The following PTPRT variants were observed in gnomAD, a reference collection of about 807,000 sequenced individuals.
PTPRT encodes receptor-type tyrosine-protein phosphatase T.
A neutral mutation model predicts 176.8 loss-of-function variants in PTPRT; 56 were observed. That is an observed-to-expected ratio of 0.32 (90% CI 0.26 to 0.40). PTPRT has a LOEUF of 0.40. Among genes scored for constraint, PTPRT ranks in the 10% least tolerant of loss-of-function variants. PTPRT has a pLI of 1.00. For missense variants in PTPRT, 1,540 were observed against 1,908.2 expected (o/e 0.81, Z 3.60); for synonymous variants, 783 against 739.0 (o/e 1.06, Z -0.96).
At chr20:42,630,276 C>T (rs1452835267) in intron 7 of PTPRT, among the ~76,000 whole-genome samples, 4 of 152,292 alleles carry the variant, frequency 2.6e-5, no homozygotes, top group Admixed American at 2.0e-4. Context: ...AGAACCAACA[C>T]ATCCAGGCAA....
chr20:42,752,276 C>T (rs911887265), intron 6 of PTPRT, among the ~76,000 whole-genome samples: 1 of 152,214 alleles, frequency 6.6e-6, no homozygotes, highest in African/African-American at 2.4e-5. Context: ...CCTTAGAGTG[C>T]CTATGCAGGG....
chr20:42,895,133 G>A (rs2079271601), intron 1 of PTPRT, among the ~76,000 whole-genome samples: 1 of 152,200 alleles, frequency 6.6e-6, no homozygotes, highest in African/African-American at 2.4e-5. Context: ...GGTTGTATTA[G>A]CCTGCTAGGG....
intron 9 of PTPRT, among the ~76,000 whole-genome samples, chr20:42,387,705 T>C (rs1326507245): frequency 1.3e-5 from 2 of 152,132 alleles, no homozygotes; most frequent in Non-Finnish European, 2.9e-5. Context: ...CTTATTTGAA[T>C]ATACCTACAG....
chr20:42,954,819 T>A (rs1981516782), intron 1 of PTPRT, among the ~76,000 whole-genome samples: 1 of 151,734 alleles, frequency 6.6e-6, no homozygotes, highest in South Asian at 2.1e-4. Context: ...GTCACCTTTG[T>A]CCAAGGAGAC....
intron 7 of PTPRT, among the ~76,000 whole-genome samples, chr20:42,514,173 A>C (rs1055659255): frequency 6.6e-6 from 1 of 152,168 alleles, no homozygotes; most frequent in Non-Finnish European, 1.5e-5. Flanking sequence ...AATATACGAT[A>C]TATTCATCTT....
chr20:42,273,319 G>A (rs144929564), intron 13 of PTPRT, among the ~76,000 whole-genome samples: 1,845 of 152,208 alleles, frequency 0.012, 34 homozygotes, highest in African/African-American at 0.042. Context: ...GGGTTCAAGC[G>A]ATTCTCCTGC....
chr20:42,580,336 G>C (rs370532110), intron 7 of PTPRT, among the ~76,000 whole-genome samples: 1 of 151,964 alleles, frequency 6.6e-6, no homozygotes, highest in Non-Finnish European at 1.5e-5. Context: ...GTCAGGTAGC[G>C]TGATGCCTCC....
intron 13 of PTPRT, among the ~76,000 whole-genome samples, chr20:42,269,020 T>A (rs1308996132): frequency 1.3e-5 from 2 of 152,160 alleles, no homozygotes; most frequent in Non-Finnish European, 2.9e-5. Flanking sequence ...AACACCATGG[T>A]ACAAATATTG....
chr20:42,231,352 C>A (rs892417022), intron 15 of PTPRT, among the ~76,000 whole-genome samples: 1 of 152,154 alleles, frequency 6.6e-6, no homozygotes, highest in African/African-American at 2.4e-5. Context: ...TCAAACTTAA[C>A]CCTGCTGCAT....
chr20:42,270,486 T>A, intron 13 of PTPRT: 1 of 1,547,014 alleles, frequency 6.5e-7, no homozygotes, highest in Non-Finnish European at 8.7e-7. Flanking sequence ...CCAGGCAGCA[T>A]GCAGAAGAGA....
intron 1 of PTPRT, among the ~76,000 whole-genome samples, chr20:42,911,796 T>C (rs1265701032): frequency 6.6e-6 from 1 of 152,116 alleles, no homozygotes; most frequent in Non-Finnish European, 1.5e-5. Flanking sequence ...ACAACAGATA[T>C]GCACATATAT....
Position 43,095,103 on chromosome 20 carries a change from T to C in PTPRT, c.88+94543A>G, listed in dbSNP as rs573304673. ...TTTGGATATTGAGTGTCATGCCCAT[T>C]TGGGAGCCTTGGAGAGAGCTTTTAT... On this transcript the variant is annotated intron_variant, in intron 1 of 30. Transcript: ENST00000373187. 1.1e-4 allele frequency among the ~76,000 whole-genome samples: 17 copies of C among 152,164 alleles called. No homozygotes were observed. The South Asian group carries it at 3.1e-3, about 28-fold the overall frequency.
At chr20:42,993,792 C>T (rs1179005476) in intron 1 of PTPRT, among the ~76,000 whole-genome samples, 1 of 151,974 alleles carries the variant, frequency 6.6e-6, no homozygotes, top group Non-Finnish European at 1.5e-5. Flanking sequence ...TAAAATATTG[C>T]ATCATGCCAC....
intron 3 of PTPRT, among the ~76,000 whole-genome samples, chr20:42,785,749 A>C (rs2077279823): frequency 1.3e-5 from 2 of 152,226 alleles, no homozygotes; most frequent in Admixed American, 1.3e-4. Context: ...GAGGTTACTG[A>C]GTACAGGCTT....
In PTPRT at chr20:42,446,619, T is replaced by TGA. The variant is rs1489458481; in HGVS notation, c.1560+1600_1560+1601insTC. ...GTGTGTGTGTGTGTGTGTGTGTGTG[T>TGA]GTGAGAGAGAGAGAGAGATTGTGGT... On this transcript the variant is annotated intron_variant, in intron 9 of 30. Transcript: ENST00000373187. Among the ~76,000 whole-genome samples the TGA allele has an allele frequency of 1.2e-3, 178 of 144,278 alleles. 1 individual carries two copies. The highest frequency in any genetic ancestry group is 4.2e-3 in the African/African-American group (158 of 37,210). The allele number at this position is 144,278 out of a possible 152,430, so 94.7% of individuals were successfully genotyped here. A position where few individuals can be genotyped will look rare whatever the true frequency, so the allele number is the denominator to read the frequency against.
intron 7 of PTPRT, among the ~76,000 whole-genome samples, chr20:42,583,800 G>C (rs2073422476): frequency 6.6e-6 from 1 of 151,948 alleles, no homozygotes; most frequent in Non-Finnish European, 1.5e-5. Flanking sequence ...TGGATATTTT[G>C]GTTATTTCTA....
chr20:42,785,369 C>T (rs755721239), intron 3 of PTPRT, among the ~76,000 whole-genome samples: 1 of 152,158 alleles, frequency 6.6e-6, no homozygotes, highest in Non-Finnish European at 1.5e-5. Flanking sequence ...CCATCAGCTC[C>T]GAAGCCCAGT....
At chr20:42,452,550 T>G (rs2070850622) in intron 8 of PTPRT, among the ~76,000 whole-genome samples, 4 of 151,978 alleles carry the variant, frequency 2.6e-5, no homozygotes, top group African/African-American at 7.3e-5. Flanking sequence ...AGGAGAAGCT[T>G]TAATCACAGA....
chr20:42,682,651 G>C (rs532429326), intron 6 of PTPRT, among the ~76,000 whole-genome samples: 1 of 152,288 alleles, frequency 6.6e-6, no homozygotes, highest in African/African-American at 2.4e-5. Flanking sequence ...GGGCTGAGCT[G>C]GGAGATGACA....
Sources: allele counts gnomAD v4.1 joint callset (sites outside exome capture counted in the v4.1 genomes callset), GRCh38; gene constraint gnomAD v4.1.1; transcripts MANE v1.5; gene names NCBI Gene and HGNC (gene_info 2026-07-23, HGNC 2026-07-21).